Variants in RALGPS2 observed in about 807,000 individuals in gnomAD.
RALGPS2 encodes the protein ras-specific guanine nucleotide-releasing factor RalGPS2.
In RALGPS2, 43 loss-of-function variants were observed where a neutral mutation model predicts 86.8. The ratio of observed to expected loss-of-function variants is 0.50; its 90% CI spans 0.39 to 0.64. The LOEUF is 0.64. Ranked by LOEUF, RALGPS2 falls within the 30% of genes least tolerant of loss-of-function variation. The probability of loss-of-function intolerance (pLI) is 0.00; values close to 1 mark genes in which losing one functional copy is unlikely to be tolerated. For synonymous variants in RALGPS2, 243 were observed against 231.3 expected, an observed-to-expected ratio of 1.05 and a Z score of -0.46; for missense variants, 536 against 694.6, an observed-to-expected ratio of 0.77 and a Z score of 2.57.
chr1:178,889,557 G>A lies in RALGPS2; in HGVS notation c.1193-85G>A, dbSNP rs532256827. On this transcript the variant is annotated intron_variant, in intron 13 of 19. Coordinates refer to ENST00000367635, the MANE Select transcript of RALGPS2 (RefSeq NM_152663.5). Reference sequence around the variant, plus strand: ...ATGCGATTGTCATTTTATGAGCATAGTTAATTAATTTATTTTTACATTGTG... The same window carrying A: ...ATGCGATTGTCATTTTATGAGCATAATTAATTAATTTATTTTTACATTGTG... 1.0e-3 allele frequency: 901 copies of A among 887,604 alleles called. 3 individuals are homozygous for A. The highest frequency in any genetic ancestry group is 1.3e-3 in the Non-Finnish European group (722 of 535,168). 55.0% of individuals were successfully genotyped at this position (887,604 alleles called of 1,614,324 possible).
chr1:178,879,108 G>T, intron 10 of RALGPS2, 116 bp downstream of exon 10: 1 of 1,401,934 alleles, frequency 7.1e-7, no homozygotes, highest in Non-Finnish European at 9.4e-7. Context: ...CTAATCCAGT[G>T]GTTTACAGCA....
At chr1:178,887,941 G>A (rs1180221771) in intron 13 of RALGPS2, among the ~76,000 whole-genome samples, 1 of 151,976 alleles carries the variant, frequency 6.6e-6, no homozygotes, top group Non-Finnish European at 1.5e-5. Flanking sequence ...AAAGCAAAAA[G>A]TTTTTAAAAT....
intron 4 of RALGPS2, among the ~76,000 whole-genome samples, chr1:178,793,968 T>C (rs1379004760): frequency 6.6e-6 from 1 of 152,232 alleles, no homozygotes; most frequent in Non-Finnish European, 1.5e-5. Context: ...TTCTGTAGTT[T>C]CATTAATTTC....
At chr1:178,856,234 T>TATATACAC (rs1368301659) in intron 8 of RALGPS2, among the ~76,000 whole-genome samples, 8 of 128,776 alleles carry the variant, frequency 6.2e-5, no homozygotes, top group African/African-American at 2.5e-4. Context: ...TATATATATA[T>TATATACAC]GGTTTTGGGT....
At chr1:178,821,745 G>A in intron 7 of RALGPS2, 41 bp downstream of exon 7, 2 of 1,397,196 alleles carry the variant, frequency 1.4e-6, no homozygotes, top group Non-Finnish European at 2.0e-6. Flanking sequence ...TAGACTTCCT[G>A]TGGAAAGGAA....
chr1:178,839,308 G>C (rs1315951228), intron 8 of RALGPS2, among the ~76,000 whole-genome samples: 1 of 152,214 alleles, frequency 6.6e-6, no homozygotes, highest in Non-Finnish European at 1.5e-5. Context: ...ACTAACAGCA[G>C]ATCTCTCTGC....
intron 1 of RALGPS2, among the ~76,000 whole-genome samples, chr1:178,748,650 C>G (rs972650947): frequency 1.3e-5 from 2 of 150,448 alleles, no homozygotes; most frequent in East Asian, 2.0e-4. Flanking sequence ...GTCAGGAGTT[C>G]GAGACCAGCC....
At chr1:178,868,109 T>A (rs182573900) in intron 8 of RALGPS2, among the ~76,000 whole-genome samples, 163 of 151,788 alleles carry the variant, frequency 1.1e-3, no homozygotes, top group African/African-American at 3.6e-3. Context: ...CACATGGGTA[T>A]TTTTTTTAGC....
At chr1:178,759,785 G>T (rs1652144580) in intron 1 of RALGPS2, among the ~76,000 whole-genome samples, 1 of 151,384 alleles carries the variant, frequency 6.6e-6, no homozygotes, top group South Asian at 2.1e-4. Flanking sequence ...TAATTTCATT[G>T]TAGACATCTT....
chr1:178,910,937 G>C (rs1372012257), intron 19 of RALGPS2, among the ~76,000 whole-genome samples: 1 of 152,012 alleles, frequency 6.6e-6, no homozygotes, highest in African/African-American at 2.4e-5. Context: ...ATTCAGTTTT[G>C]GAACTCATTA....
chr1:178,865,146 C>T, intron 8 of RALGPS2: 1 of 1,600,996 alleles, frequency 6.2e-7, no homozygotes, highest in Non-Finnish European at 8.5e-7. Context: ...GGGGGAGACA[C>T]ATGGGTGTCT....
At chr1:178,853,860 AT>A in intron 8 of RALGPS2, 1 of 1,236,924 alleles carries the variant, frequency 8.1e-7, no homozygotes, top group Non-Finnish European at 1.1e-6. Context: ...TTTAATCAAG[AT>A]TTTTACCTTT....
At chr1:178,819,251 C>T (rs1655384150) in intron 6 of RALGPS2, among the ~76,000 whole-genome samples, 1 of 152,128 alleles carries the variant, frequency 6.6e-6, no homozygotes, top group Admixed American at 6.5e-5. Flanking sequence ...CCTCAGCCGC[C>T]GGAAGTGCTG....
intron 16 of RALGPS2, among the ~76,000 whole-genome samples, chr1:178,895,685 T>A (rs1213598626): frequency 2.6e-5 from 4 of 151,896 alleles, no homozygotes; most frequent in African/African-American, 9.7e-5. Flanking sequence ...GATGATAAAT[T>A]AAACATGATG....
At position 178,833,545 on chromosome 1, in the gene RALGPS2, A is replaced by G. The variant is rs757982920; in HGVS notation, c.602A>G (p.Tyr201Cys). 4 of 1,528,472 alleles carry G rather than the reference A, an allele frequency of 2.6e-6. No individual in the cohort carries two copies. The highest frequency in any genetic ancestry group is 3.5e-6 in the Non-Finnish European group (4 of 1,149,910). 94.7% of individuals were successfully genotyped at this position (1,528,472 alleles called of 1,614,324 possible). A position where few individuals can be genotyped will look rare whatever the true frequency, so the allele number is the denominator to read the frequency against. Residue 201 changes from tyrosine to cysteine, a missense_variant, in exon 8 of 20, where the codon TAT becomes TGT. This residue lies in a region of RALGPS2 where 184 missense variants were observed against 296.7 expected (regional missense o/e 0.62). Coordinates refer to ENST00000367635, the MANE Select transcript of RALGPS2 (RefSeq NM_152663.5). ...TTAAAGATGACACCTTGCATTCCCT[A>G]TTTAGGTGAGTTATGTCACTGTGTG... ...SSLKMTPCIP[Y>C]LGIYLSDLTY...
At chr1:178,876,810 A>C (rs1210369339) in intron 8 of RALGPS2, among the ~76,000 whole-genome samples, 1 of 152,124 alleles carries the variant, frequency 6.6e-6, no homozygotes, top group African/African-American at 2.4e-5. Flanking sequence ...ATTTTAGAGG[A>C]TGTGTTATTT....
chr1:178,731,271 G>GTTTTTTTTTTTTTT (rs1491268143), intron 1 of RALGPS2, among the ~76,000 whole-genome samples: 12 of 69,364 alleles, frequency 1.7e-4, no homozygotes, highest in African/African-American at 5.7e-4. Context: ...TAGTTGTTTT[G>GTTTTTTTTTTTTTT]GTTTTTTTTT....
rs78108737 is a variant in RALGPS2 at position 178,854,411 on chromosome 1, T to C, written c.607+20861T>C. Among the ~76,000 whole-genome samples, 924 of 152,254 alleles carry C rather than the reference T, an allele frequency of 6.1e-3. 9 individuals carry two copies. The highest frequency in any genetic ancestry group is 0.021 in the African/African-American group (883 of 41,556). ...AATGCAAAATATTATGTTTCCCTTT[T>C]GGAAATTCTCAATGTACATTCACAT... is the stretch of plus-strand genomic sequence containing the variant. On this transcript the variant is annotated intron_variant, in intron 8 of 19. Coordinates refer to ENST00000367635, the MANE Select transcript of RALGPS2 (RefSeq NM_152663.5).
intron 19 of RALGPS2, among the ~76,000 whole-genome samples, chr1:178,909,027 A>G (rs1660499759): frequency 6.6e-6 from 1 of 152,020 alleles, no homozygotes; most frequent in Admixed American, 6.5e-5. Flanking sequence ...CAGGGTTTTT[A>G]TAGTTTTAGG....
Sources: allele counts gnomAD v4.1 joint callset (sites outside exome capture counted in the v4.1 genomes callset), GRCh38; gene constraint gnomAD v4.1.1; regional missense constraint gnomAD v4.1.1; transcripts MANE v1.5; gene names NCBI Gene and HGNC (gene_info 2026-07-23, HGNC 2026-07-21).